The following CIMIP6 variants were observed in gnomAD, a reference collection of about 807,000 sequenced individuals.
The protein encoded by CIMIP6 is uncharacterized protein C2orf73.
At chr2:54,344,810 A>G in the CIMIP6 span, among the ~76,000 whole-genome samples, 5 of 152,242 alleles carry the variant, frequency 3.3e-5, no homozygotes, top group South Asian at 8.3e-4. Flanking sequence ...ATCACACAGC[A>G]TAAAACAACA....
chr2:54,343,731 G>C, the CIMIP6 span: 1 of 1,592,714 alleles, frequency 6.3e-7, no homozygotes, highest in Non-Finnish European at 8.5e-7. Flanking sequence ...GTGACTGGTG[G>C]TCACATGGTA....
At chr2:54,362,305 A>G in the CIMIP6 span, among the ~76,000 whole-genome samples, 2 of 152,244 alleles carry the variant, frequency 1.3e-5, no homozygotes, top group Non-Finnish European at 2.9e-5. Context: ...AAGAATGACT[A>G]TAATTTCAGA....
At chr2:54,338,974 A>AC in the CIMIP6 span, among the ~76,000 whole-genome samples, 550 of 63,668 alleles carry the variant, frequency 8.6e-3, 182 homozygotes, top group South Asian at 0.038. Flanking sequence ...ACATGGTGAG[A>AC]CCCCCCCCCA....
At chr2:54,345,060 T>A in the CIMIP6 span, among the ~76,000 whole-genome samples, 9 of 152,212 alleles carry the variant, frequency 5.9e-5, no homozygotes, top group Non-Finnish European at 1.2e-4. Flanking sequence ...ATTAATATTC[T>A]TATTTTTCAG....
chr2:54,347,842 G>A, the CIMIP6 span, among the ~76,000 whole-genome samples: 2 of 152,188 alleles, frequency 1.3e-5, no homozygotes, highest in African/African-American at 4.8e-5. Flanking sequence ...CTGGAATGCT[G>A]TGGCATTAAT....
chr2:54,371,665 C>T, the CIMIP6 span, among the ~76,000 whole-genome samples: 1 of 152,196 alleles, frequency 6.6e-6, no homozygotes, highest in African/African-American at 2.4e-5. Flanking sequence ...CAGTGGTGGG[C>T]GAAGGCAAGG....
chr2:54,372,216 C>T, the CIMIP6 span, among the ~76,000 whole-genome samples: 1 of 152,186 alleles, frequency 6.6e-6, no homozygotes, highest in African/African-American at 2.4e-5. Flanking sequence ...GATCTTCAAG[C>T]CAGGTCGTCA....
chr2:54,361,783 G>A, the CIMIP6 span, among the ~76,000 whole-genome samples: 1 of 152,202 alleles, frequency 6.6e-6, no homozygotes, highest in Non-Finnish European at 1.5e-5. Flanking sequence ...ATGAAGACAG[G>A]GAAGGGAGAG....
chr2:54,332,418 C>A, the CIMIP6 span, among the ~76,000 whole-genome samples: 18 of 152,312 alleles, frequency 1.2e-4, 1 homozygote, highest in East Asian at 3.5e-3. Context: ...CCTCCAACAG[C>A]ACCTGGCACG....
At chr2:54,376,484 A>T in the CIMIP6 span, among the ~76,000 whole-genome samples, 1 of 152,206 alleles carries the variant, frequency 6.6e-6, no homozygotes, top group Non-Finnish European at 1.5e-5. Context: ...TTGGGGTAGA[A>T]ATTCCTTCAC....
chr2:54,360,179 T>C, the CIMIP6 span: 2 of 1,521,358 alleles, frequency 1.3e-6, no homozygotes, highest in Non-Finnish European at 1.8e-6. Context: ...TCCTGGTTAA[T>C]GTCGACTTTG....
At chr2:54,356,824 T>C in the CIMIP6 span, among the ~76,000 whole-genome samples, 2 of 152,218 alleles carry the variant, frequency 1.3e-5, no homozygotes, top group Non-Finnish European at 2.9e-5. Flanking sequence ...ATGTCTATTT[T>C]ATTACCAAAT....
the CIMIP6 span, among the ~76,000 whole-genome samples, chr2:54,351,959 AC>A: frequency 6.6e-6 from 1 of 151,924 alleles, no homozygotes; most frequent in Admixed American, 6.6e-5. Context: ...TGGGCTTACT[AC>A]CTATGGAGCA....
chr2:54,382,414 G>A, the CIMIP6 span, among the ~76,000 whole-genome samples: 54 of 152,192 alleles, frequency 3.5e-4, no homozygotes, highest in Non-Finnish European at 2.1e-4. Context: ...GCAACTAATC[G>A]AAAGATTCCA....
At chr2:54,341,133 CAGA>C in the CIMIP6 span, among the ~76,000 whole-genome samples, 146 of 152,252 alleles carry the variant, frequency 9.6e-4, 4 homozygotes, top group Admixed American at 9.4e-3. Flanking sequence ...AATCTTATCA[CAGA>C]AGAACTTTCT....
At chr2:54,377,233 C>T in the CIMIP6 span, among the ~76,000 whole-genome samples, 2 of 152,098 alleles carry the variant, frequency 1.3e-5, no homozygotes, top group East Asian at 1.9e-4. Flanking sequence ...GACCAATTTC[C>T]GTCGTGTAGC....
At chr2:54,365,824 T>TA in the CIMIP6 span, among the ~76,000 whole-genome samples, 1 of 152,190 alleles carries the variant, frequency 6.6e-6, no homozygotes, top group African/African-American at 2.4e-5. Context: ...GTCTAATTTT[T>TA]AAAAAACTTA....
chr2:54,357,543 A>C, the CIMIP6 span, among the ~76,000 whole-genome samples: 8 of 150,364 alleles, frequency 5.3e-5, no homozygotes, highest in African/African-American at 2.0e-4. Flanking sequence ...ATAGCATTTC[A>C]CAGATATGTT....
the CIMIP6 span, among the ~76,000 whole-genome samples, chr2:54,336,824 T>G: frequency 6.6e-6 from 1 of 152,144 alleles, no homozygotes; most frequent in Non-Finnish European, 1.5e-5. Context: ...AGTGAGCATG[T>G]AGGAACCTGG....
Sources: gnomAD v4.1 joint callset for allele counts (sites outside exome capture counted in the v4.1 genomes callset) on GRCh38, gnomAD v4.1.1 for gene constraint, MANE v1.5 for transcripts, NCBI Gene and HGNC (gene_info 2026-07-23, HGNC 2026-07-21) for gene names.